Variants in RANBP2 observed in about 807,000 individuals in gnomAD.
RANBP2 encodes the protein E3 SUMO-protein ligase RanBP2.
A neutral mutation model predicts 303.6 loss-of-function variants in RANBP2; 57 were observed. That is an observed-to-expected ratio of 0.19 (90% CI 0.15 to 0.23). The LOEUF is 0.23. RANBP2 is among the 10% of genes least tolerant of loss of function. RANBP2 has a pLI of 1.00. For synonymous variants in RANBP2, 1,167 were observed against 1,301.5 expected (o/e 0.90, Z 2.23); for missense variants, 3,138 against 3,780.8 (o/e 0.83, Z 4.46).
the RANBP2 span, among the ~76,000 whole-genome samples, chr2:109,028,628 A>G: frequency 6.6e-6 from 1 of 152,184 alleles, no homozygotes; most frequent in Non-Finnish European, 1.5e-5. Context: ...GCCCTCACTT[A>G]GAGGAGTGCT....
chr2:108,790,910 C>G, the RANBP2 span, among the ~76,000 whole-genome samples: 1 of 151,844 alleles, frequency 6.6e-6, no homozygotes, highest in Non-Finnish European at 1.5e-5. Context: ...CACCACTACT[C>G]CCAGCTAATT....
chr2:109,720,760 C>A, the RANBP2 span, among the ~76,000 whole-genome samples: 2 of 152,146 alleles, frequency 1.3e-5, no homozygotes, highest in African/African-American at 4.8e-5. Context: ...TGTGAGTTGC[C>A]AAGGTTACCT....
chr2:108,755,886 G>A (rs1006616814), intron 17 of RANBP2, among the ~76,000 whole-genome samples: 2 of 152,078 alleles, frequency 1.3e-5, no homozygotes, highest in Admixed American at 6.5e-5. Context: ...ACCAGGCCCA[G>A]CTAATTTTTG....
chr2:109,076,154 G>A, the RANBP2 span, among the ~76,000 whole-genome samples: 1 of 150,282 alleles, frequency 6.7e-6, no homozygotes, highest in Non-Finnish European at 1.5e-5. Flanking sequence ...ATAAGTCAAT[G>A]TAATGCACCA....
chr2:109,147,293 C>T, the RANBP2 span, among the ~76,000 whole-genome samples: 1 of 151,814 alleles, frequency 6.6e-6, no homozygotes, highest in Non-Finnish European at 1.5e-5. Flanking sequence ...TGGTGCTGCT[C>T]TCTCTCTATC....
At chr2:109,365,912 A>G in the RANBP2 span, among the ~76,000 whole-genome samples, 1 of 152,238 alleles carries the variant, frequency 6.6e-6, no homozygotes, top group South Asian at 2.1e-4. Flanking sequence ...TGGTTTTTCA[A>G]CATTTAAAAA....
At chr2:109,324,077 TCTTA>T in the RANBP2 span, among the ~76,000 whole-genome samples, 4 of 152,362 alleles carry the variant, frequency 2.6e-5, no homozygotes, top group South Asian at 2.1e-4. Flanking sequence ...GCCTTTTGTG[TCTTA>T]CTTCTTTCAC....
chr2:109,593,193 T>C, the RANBP2 span: 7 of 927,292 alleles, frequency 7.5e-6, no homozygotes, highest in African/African-American at 1.7e-5. Flanking sequence ...GAATAATATA[T>C]TTACATGAAT....
At chr2:108,965,629 G>C in the RANBP2 span, among the ~76,000 whole-genome samples, 3 of 151,998 alleles carry the variant, frequency 2.0e-5, no homozygotes, top group Non-Finnish European at 2.9e-5. Flanking sequence ...TTACCTTTGG[G>C]TGTCTGTATG....
chr2:109,342,374 A>G, the RANBP2 span, among the ~76,000 whole-genome samples: 1 of 152,186 alleles, frequency 6.6e-6, no homozygotes, highest in African/African-American at 2.4e-5. Flanking sequence ...CAGTAGATAT[A>G]TGGAGCGTAT....
the RANBP2 span, chr2:108,907,982 T>C: frequency 2.5e-6 from 4 of 1,611,632 alleles, no homozygotes; most frequent in Non-Finnish European, 3.4e-6. Context: ...ACGCTCCGGC[T>C]CAGCAGCTGC....
At chr2:109,671,896 C>T in the RANBP2 span, among the ~76,000 whole-genome samples, 1 of 150,662 alleles carries the variant, frequency 6.6e-6, no homozygotes, top group East Asian at 1.9e-4. Context: ...ATTCCCACAC[C>T]TGTTTTTCCT....
chr2:108,900,455 GAGGC>G, the RANBP2 span, among the ~76,000 whole-genome samples: 18 of 152,016 alleles, frequency 1.2e-4, no homozygotes, highest in African/African-American at 4.3e-4. Flanking sequence ...TTGGGAGGCT[GAGGC>G]AGGAGAACCA....
the RANBP2 span, chr2:108,940,117 A>G: frequency 2.0e-5 from 3 of 152,264 alleles, no homozygotes; most frequent in African/African-American, 4.8e-5. Flanking sequence ...AATATGAACC[A>G]TTTATTGGCA....
At chr2:109,701,817 G>T in the RANBP2 span, among the ~76,000 whole-genome samples, 2 of 152,176 alleles carry the variant, frequency 1.3e-5, no homozygotes, top group Non-Finnish European at 2.9e-5. Context: ...GGGGTCCTGA[G>T]ATTTATTTTC....
At chr2:108,931,003 C>A in the RANBP2 span, 10 of 1,613,914 alleles carry the variant, frequency 6.2e-6, no homozygotes, top group Admixed American at 6.7e-5. Context: ...TGCAGTCCCC[C>A]ACATGGGCCA....
At chr2:109,675,581 C>G in the RANBP2 span, among the ~76,000 whole-genome samples, 1 of 152,090 alleles carries the variant, frequency 6.6e-6, no homozygotes, top group African/African-American at 2.4e-5. Context: ...ACTTGGGAGG[C>G]TGAGGCAGGA....
the RANBP2 span, among the ~76,000 whole-genome samples, chr2:108,797,010 A>G: frequency 6.6e-6 from 1 of 152,194 alleles, no homozygotes; most frequent in Non-Finnish European, 1.5e-5. Flanking sequence ...GTTTGAGGTA[A>G]TAGATATCCC....
the RANBP2 span, among the ~76,000 whole-genome samples, chr2:109,578,920 CAGACG>C: frequency 6.6e-6 from 1 of 152,102 alleles, no homozygotes; most frequent in East Asian, 1.9e-4. Context: ...TCCAAAAGTA[CAGACG>C]TAAGAGCAGA....
Sources: gnomAD v4.1 joint callset for allele counts (sites outside exome capture counted in the v4.1 genomes callset) on GRCh38, gnomAD v4.1.1 for gene constraint, MANE v1.5 for transcripts, NCBI Gene and HGNC (gene_info 2026-07-23, HGNC 2026-07-21) for gene names.